The following MKKS variants were observed in gnomAD, a reference collection of about 807,000 sequenced individuals.
The protein encoded by MKKS is MKKS centrosomal shuttling protein.
In MKKS, 29 loss-of-function variants were observed where a neutral mutation model predicts 33.2. The observed-to-expected ratio is 0.87, with a 90% CI of 0.65 to 1.19. MKKS has a LOEUF of 1.19. Ranked by LOEUF, MKKS falls within the 50% of genes most tolerant of loss-of-function variation. The probability of loss-of-function intolerance (pLI) is 0.00; values close to 1 mark genes in which losing one functional copy is unlikely to be tolerated. For synonymous variants in MKKS, 260 were observed against 244.0 expected (o/e 1.07, Z -0.61); for missense variants, 661 against 662.3 (o/e 1.00, Z 0.02).
Position 10,413,653 on chromosome 20 carries a change from AT to A in MKKS, c.-140del. On this transcript the variant is annotated 5_prime_UTR_variant, in exon 3 of 6. It introduces an in-frame stop codon into an upstream open reading frame of the 5' UTR. Coordinates refer to ENST00000347364, the MANE Select transcript of MKKS (RefSeq NM_170784.3). ...GAATATGCAGCATTGTGGCTATAAA[AT>A]CAAAAAGTTCAATGTTTATGAAGCT... The A allele has an allele frequency of 1.1e-6, 1 of 933,914 alleles. No homozygotes were observed. The highest frequency in any genetic ancestry group is 1.6e-6 in the Non-Finnish European group (1 of 612,212). 57.9% of individuals were successfully genotyped at this position (933,914 alleles called of 1,614,324 possible).
intron 3 of MKKS, among the ~76,000 whole-genome samples, chr20:10,410,590 T>C (rs1473203947): frequency 6.6e-6 from 1 of 152,162 alleles, no homozygotes; most frequent in Non-Finnish European, 1.5e-5. Flanking sequence ...ATTGCGCCAC[T>C]GCACTCCAGC....
At chr20:10,418,285 C>T (rs6108564) in intron 2 of MKKS, among the ~76,000 whole-genome samples, 21,933 of 152,086 alleles carry the variant, frequency 0.14, 1,779 homozygotes, top group East Asian at 0.24. Context: ...CTGGTTGTGG[C>T]GAAATGCCCT....
intron 3 of MKKS, among the ~76,000 whole-genome samples, chr20:10,411,421 T>C (rs1440275687): frequency 6.6e-6 from 1 of 152,128 alleles, no homozygotes; most frequent in Non-Finnish European, 1.5e-5. Flanking sequence ...AAGTGTCCCA[T>C]ATTTTAAAAA....
chr20:10,411,395 G>A (rs962243285), intron 3 of MKKS, among the ~76,000 whole-genome samples: 4 of 152,022 alleles, frequency 2.6e-5, no homozygotes, highest in African/African-American at 9.7e-5. Context: ...CTACAGGCAT[G>A]TACCACACCC....
intron 3 of MKKS, among the ~76,000 whole-genome samples, chr20:10,411,835 T>C (rs2064889947): frequency 6.6e-6 from 1 of 152,252 alleles, no homozygotes; most frequent in African/African-American, 2.4e-5. Context: ...CATTTTTCTT[T>C]GGCTCTAACA....
chr20:10,408,579 T>A (rs1174337857), intron 4 of MKKS, 49 bp downstream of exon 4: 4 of 1,568,730 alleles, frequency 2.5e-6, no homozygotes, highest in Non-Finnish European at 3.5e-6. Context: ...ATTGAGTGAC[T>A]AATTCCTCCC....
chr20:10,420,978 C>G (rs1017188688), intron 1 of MKKS, among the ~76,000 whole-genome samples: 1 of 152,196 alleles, frequency 6.6e-6, no homozygotes, highest in Non-Finnish European at 1.5e-5. Context: ...CAGAGCAATA[C>G]TGACTTTTTG....
chr20:10,430,756 C>G (rs887754980), intron 1 of MKKS, among the ~76,000 whole-genome samples: 18 of 152,130 alleles, frequency 1.2e-4, no homozygotes, highest in African/African-American at 4.3e-4. Flanking sequence ...TGAAGGAAGT[C>G]AGAAAACTGA....
At position 10,405,217 on chromosome 20, in the gene MKKS, T is replaced by A. The variant is rs1469138332; in HGVS notation, c.*30A>T. ...AATTGCCAACAGACTAGTTTATTTG[T>A]TTCTCTTGTAATACGAACATGCTAT... is the stretch of plus-strand genomic sequence containing the variant. On this transcript the variant is annotated 3_prime_UTR_variant, in exon 6 of 6. Coordinates refer to ENST00000347364, the MANE Select transcript of MKKS (RefSeq NM_170784.3). 1.3e-6 allele frequency: 2 copies of A among 1,553,168 alleles called. No homozygotes were observed. Among genetic ancestry groups the A allele is most frequent in the Admixed American group, 3.7e-5 (2 of 54,450 alleles).
rs2064826692 is a variant in MKKS, at chr20:10,404,349, T to C, written c.*898A>G. The C allele has an allele frequency of 6.6e-6, 1 of 151,816 alleles. No homozygotes were observed. The highest frequency in any genetic ancestry group is 6.6e-5 in the Admixed American group (1 of 15,162). 9.4% of individuals were successfully genotyped at this position (151,816 alleles called of 1,614,324 possible). A position where few individuals can be genotyped will look rare whatever the true frequency, so the allele number is the denominator to read the frequency against. The stretch of plus-strand genomic sequence containing the variant: ...CTATGGTTCTCAACCAACAACAGTT[T>C]TGCTCTTCGGGGGACATTTGGCAAT... On this transcript the variant is annotated 3_prime_UTR_variant, in exon 6 of 6. Transcript: ENST00000347364.
At chr20:10,431,685 C>T (rs6133930) in intron 1 of MKKS, 1 of 152,288 alleles carries the variant, frequency 6.6e-6, no homozygotes, top group East Asian at 1.9e-4. Flanking sequence ...TTTACTTACT[C>T]CATCTTTAGT....
chr20:10,422,991 G>A (rs891138374), intron 1 of MKKS, among the ~76,000 whole-genome samples: 2 of 152,116 alleles, frequency 1.3e-5, no homozygotes, highest in African/African-American at 4.8e-5. Context: ...GATTACAGGT[G>A]TGAGCCACTG....
At position 10,402,094 on chromosome 20, in the gene MKKS, C is replaced by T. The variant is rs1220366365; in HGVS notation, c.*3153G>A. ...TGAATAACGTTTAATGTTACATGTC[C>T]TGAGAGTCCCACGAAATTATTGAGC... On this transcript the variant is annotated 3_prime_UTR_variant, in exon 6 of 6. Transcript: ENST00000347364. 1 of 152,200 alleles carries T rather than the reference C, an allele frequency of 6.6e-6. No homozygotes were observed. Among genetic ancestry groups the T allele is most frequent in the African/African-American group, 2.4e-5 (1 of 41,434 alleles). The allele number at this position is 152,200 out of a possible 1,614,324, so 9.4% of individuals were successfully genotyped here. A position where few individuals can be genotyped will look rare whatever the true frequency, so the allele number is the denominator to read the frequency against.
At chr20:10,432,216 T>C (rs1046965494) in intron 1 of MKKS, among the ~76,000 whole-genome samples, 5 of 152,372 alleles carry the variant, frequency 3.3e-5, no homozygotes, top group African/African-American at 9.6e-5. Flanking sequence ...CTAGAGTTCC[T>C]GTGGGACTGG....
At chr20:10,421,625 C>T (rs745457017) in intron 1 of MKKS, among the ~76,000 whole-genome samples, 5 of 151,950 alleles carry the variant, frequency 3.3e-5, no homozygotes, top group African/African-American at 9.7e-5. Context: ...GAATGTAATG[C>T]CATTTCCACA....
rs1030703166 is a variant in MKKS at position 10,411,245 on chromosome 20, C to T, written c.985+1285G>A. Reference sequence around the variant, plus strand: ...TTGTGATCCGCTCACCTTGGCCTCCCAAAGTGCTGGGATTACAGGCATGAG... The same window carrying T: ...TTGTGATCCGCTCACCTTGGCCTCCTAAAGTGCTGGGATTACAGGCATGAG... On this transcript the variant is annotated intron_variant, in intron 3 of 5. Coordinates refer to ENST00000347364, the MANE Select transcript of MKKS (RefSeq NM_170784.3). 2.0e-5 allele frequency among the ~76,000 whole-genome samples: 3 copies of T among 151,956 alleles called. No individual in the cohort carries two copies. In the East Asian group the frequency reaches 5.8e-4, roughly 29 times the overall value.
chr20:10,420,373 A>C (rs1183165477), intron 2 of MKKS, among the ~76,000 whole-genome samples, 155 bp downstream of exon 2: 1 of 152,188 alleles, frequency 6.6e-6, no homozygotes, highest in Non-Finnish European at 1.5e-5. Flanking sequence ...ACTTTTCTAG[A>C]AACAACTGCA....
intron 4 of MKKS, among the ~76,000 whole-genome samples, chr20:10,408,182 CA>C (rs1222085743): frequency 2.0e-5 from 3 of 152,150 alleles, no homozygotes; most frequent in Non-Finnish European, 4.4e-5. Flanking sequence ...CTTGAGCATA[CA>C]TGAATCTTTA....
At chr20:10,411,385 C>T (rs771845739) in intron 3 of MKKS, among the ~76,000 whole-genome samples, 67 of 152,002 alleles carry the variant, frequency 4.4e-4, no homozygotes, top group Non-Finnish European at 5.9e-4. Context: ...GTAGCTGGGA[C>T]TACAGGCATG....
Sources: gnomAD v4.1 joint callset for allele counts (sites outside exome capture counted in the v4.1 genomes callset) on GRCh38, gnomAD v4.1.1 for gene constraint, MANE v1.5 for transcripts, NCBI Gene and HGNC (gene_info 2026-07-23, HGNC 2026-07-21) for gene names.